The following CCDC85A variants were observed in gnomAD, a reference collection of about 807,000 sequenced individuals.
The protein encoded by CCDC85A is coiled-coil domain containing 85A, also known as coiled-coil domain-containing protein 85A.
A neutral mutation model predicts 50.2 loss-of-function variants in CCDC85A; 38 were observed. The observed-to-expected ratio is 0.76, with a 90% CI of 0.58 to 0.99. The LOEUF (loss-of-function observed/expected upper bound fraction) is 0.99, where lower values mean the gene tolerates loss of function less well. CCDC85A is among the 50% of genes least tolerant of loss of function. The pLI, the probability that CCDC85A is intolerant of heterozygous loss-of-function variation, is 0.00. For missense variants in CCDC85A, 820 were observed against 742.0 expected (o/e 1.11, Z -1.22); for synonymous variants, 366 against 301.4 (o/e 1.21, Z -2.22).
At chr2:56,308,338 A>G (rs931968164) in intron 2 of CCDC85A, among the ~76,000 whole-genome samples, 6 of 152,180 alleles carry the variant, frequency 3.9e-5, no homozygotes, top group African/African-American at 1.4e-4. Context: ...GGGAACGTTC[A>G]TCAACAAATT....
chr2:56,247,042 T>G (rs1262556841), intron 2 of CCDC85A, among the ~76,000 whole-genome samples: 1 of 152,216 alleles, frequency 6.6e-6, no homozygotes, highest in Non-Finnish European at 1.5e-5. Context: ...AATGATATTT[T>G]TATTATGAAG....
chr2:56,202,510 A>G (rs1676787768), intron 2 of CCDC85A, among the ~76,000 whole-genome samples: 1 of 152,148 alleles, frequency 6.6e-6, no homozygotes, highest in Non-Finnish European at 1.5e-5. Flanking sequence ...GTGTCCAGGG[A>G]AGTGTTGGTT....
In CCDC85A at chr2:56,384,890, A is replaced by T. The variant is rs1267184446; in HGVS notation, c.*535A>T. On this transcript the variant is annotated 3_prime_UTR_variant, in exon 6 of 6. Transcript: ENST00000407595. ...ACTAGTAATTCCTAATGCATAATTA[A>T]TTTGGATGCAAGATAAGATTAAGTT... 1 of 152,530 alleles carries T rather than the reference A, an allele frequency of 6.6e-6. No homozygotes were observed. The highest frequency in any genetic ancestry group is 2.4e-5 in the African/African-American group (1 of 41,390). The allele number at this position is 152,530 out of a possible 1,614,324, so 9.4% of individuals were successfully genotyped here.
At position 56,361,024 on chromosome 2, in the gene CCDC85A, C is replaced by T. The variant is rs190562183; in HGVS notation, c.1318-11320C>T. Among the ~76,000 whole-genome samples the T allele has an allele frequency of 7.3e-3, 1,117 of 152,238 alleles. 5 individuals carry two copies. The highest frequency in any genetic ancestry group is 0.011 in the Non-Finnish European group (753 of 68,010). ...ATCCCAGCACTTTGGGAAGCCAAGG[C>T]GGGCAGATCACAAGGTCAGGAGATC... On this transcript the variant is annotated intron_variant, in intron 3 of 5. Coordinates refer to ENST00000407595, the MANE Select transcript of CCDC85A (RefSeq NM_001080433.2).
intron 3 of CCDC85A, among the ~76,000 whole-genome samples, chr2:56,349,690 G>A (rs762882220): frequency 1.8e-4 from 27 of 152,062 alleles, no homozygotes; most frequent in Non-Finnish European, 2.6e-4. Context: ...ATATGGCCAC[G>A]CTGCTGATTA....
At chr2:56,268,767 A>G (rs1241626851) in intron 2 of CCDC85A, among the ~76,000 whole-genome samples, 1 of 152,150 alleles carries the variant, frequency 6.6e-6, no homozygotes, top group Non-Finnish European at 1.5e-5. Flanking sequence ...CCTTTATTAA[A>G]AAAACATTTT....
intron 2 of CCDC85A, among the ~76,000 whole-genome samples, chr2:56,298,472 A>G (rs757077628): frequency 2.0e-5 from 3 of 152,216 alleles, no homozygotes; most frequent in Admixed American, 6.5e-5. Flanking sequence ...AACACTTTCA[A>G]TGAGTATTTA....
intron 3 of CCDC85A, among the ~76,000 whole-genome samples, chr2:56,357,967 C>T (rs995720960): frequency 7.2e-5 from 11 of 152,118 alleles, no homozygotes; most frequent in African/African-American, 2.7e-4. Context: ...CCCATTCTGA[C>T]CCTGGCCCCC....
intron 2 of CCDC85A, among the ~76,000 whole-genome samples, chr2:56,323,230 G>A (rs549518363): frequency 3.9e-5 from 6 of 152,056 alleles, no homozygotes; most frequent in South Asian, 2.1e-4. Context: ...CCAACATGGC[G>A]CATGTATACA....
At chr2:56,348,577 G>T (rs773748820) in intron 3 of CCDC85A, among the ~76,000 whole-genome samples, 3 of 152,216 alleles carry the variant, frequency 2.0e-5, no homozygotes, top group Non-Finnish European at 4.4e-5. Context: ...CAAGGTGGTT[G>T]CCAGAGCAGT....
intron 2 of CCDC85A, among the ~76,000 whole-genome samples, chr2:56,292,561 G>A (rs931631083): frequency 6.6e-6 from 1 of 152,286 alleles, no homozygotes; most frequent in East Asian, 1.9e-4. Context: ...GATTTAAGTA[G>A]GATGGGGAAA....
chr2:56,279,108 C>G (rs868751665), intron 2 of CCDC85A, among the ~76,000 whole-genome samples: 68 of 152,136 alleles, frequency 4.5e-4, no homozygotes, highest in African/African-American at 1.6e-3. Context: ...GTGTCTGTAT[C>G]CTTGTTAGCA....
At chr2:56,293,175 T>A (rs1189737900) in intron 2 of CCDC85A, among the ~76,000 whole-genome samples, 1 of 152,202 alleles carries the variant, frequency 6.6e-6, no homozygotes, top group Non-Finnish European at 1.5e-5. Flanking sequence ...CTACCAGATG[T>A]ACTTGTTACA....
intron 2 of CCDC85A, among the ~76,000 whole-genome samples, chr2:56,311,909 A>G (rs1160040423): frequency 6.6e-6 from 1 of 152,100 alleles, no homozygotes; most frequent in African/African-American, 2.4e-5. Flanking sequence ...CTCCTGAACC[A>G]GCATCACATT....
At chr2:56,368,963 T>A (rs1443435616) in intron 3 of CCDC85A, among the ~76,000 whole-genome samples, 1 of 152,088 alleles carries the variant, frequency 6.6e-6, no homozygotes, top group African/African-American at 2.4e-5. Flanking sequence ...TTGACTTCAT[T>A]ACTAATTAAA....
intron 2 of CCDC85A, among the ~76,000 whole-genome samples, chr2:56,269,972 A>C (rs567309618): frequency 8.6e-4 from 131 of 152,350 alleles, no homozygotes; most frequent in African/African-American, 3.1e-3. Flanking sequence ...CTGTCTGCTA[A>C]ATGCTTTCTC....
chr2:56,226,488 G>C (rs766077167), intron 2 of CCDC85A, among the ~76,000 whole-genome samples: 1 of 152,030 alleles, frequency 6.6e-6, no homozygotes, highest in Non-Finnish European at 1.5e-5. Context: ...TTTCTAAAAG[G>C]CTTTTTTAGC....
chr2:56,260,721 T>C (rs1264733652), intron 2 of CCDC85A, among the ~76,000 whole-genome samples: 2 of 152,204 alleles, frequency 1.3e-5, no homozygotes, highest in African/African-American at 4.8e-5. Flanking sequence ...TGTATATGTG[T>C]ATGGTACATA....
chr2:56,262,558 C>G (rs568690521), intron 2 of CCDC85A, among the ~76,000 whole-genome samples: 8 of 152,252 alleles, frequency 5.3e-5, no homozygotes, highest in African/African-American at 1.7e-4. Context: ...CTTCACCTCA[C>G]TGGGAGATGC....
Sources: gnomAD v4.1 joint callset for allele counts (sites outside exome capture counted in the v4.1 genomes callset) on GRCh38, gnomAD v4.1.1 for gene constraint, MANE v1.5 for transcripts, NCBI Gene and HGNC (gene_info 2026-07-23, HGNC 2026-07-21) for gene names.